Variants in PARD3B observed in about 807,000 individuals in gnomAD.
PARD3B encodes par-3 family cell polarity regulator beta, also known as partitioning defective 3 homolog B.
PARD3B carries 103 observed loss-of-function variants against 130.2 expected under a neutral mutation model. The ratio of observed to expected loss-of-function variants is 0.79; its 90% confidence interval spans 0.67 to 0.93. The LOEUF (loss-of-function observed/expected upper bound fraction) is 0.93. Ranked by LOEUF, PARD3B falls within the 40% of genes least tolerant of loss-of-function variation. PARD3B has a pLI of 0.00. For missense variants in PARD3B, 1,609 were observed against 1,499.2 expected, an observed-to-expected ratio of 1.07 and a Z score of -1.21; for synonymous variants, 583 against 553.2, an observed-to-expected ratio of 1.05 and a Z score of -0.76.
chr2:204,895,464 C>A (rs924187326), intron 2 of PARD3B, among the ~76,000 whole-genome samples: 4 of 151,952 alleles, frequency 2.6e-5, no homozygotes, highest in Non-Finnish European at 5.9e-5. Flanking sequence ...TTTCAGTTAT[C>A]AGGTATTTAA....
chr2:205,225,562 C>T (rs2038499292), intron 15 of PARD3B, among the ~76,000 whole-genome samples: 2 of 152,082 alleles, frequency 1.3e-5, no homozygotes, highest in African/African-American at 2.4e-5. Context: ...AAAGAACTAC[C>T]TGAGACTGGG....
At chr2:204,925,252 G>A (rs1329233417) in intron 2 of PARD3B, among the ~76,000 whole-genome samples, 1 of 152,072 alleles carries the variant, frequency 6.6e-6, no homozygotes, top group Non-Finnish European at 1.5e-5. Context: ...CAGCTAGATA[G>A]CTTGAGACTC....
chr2:204,644,450 G>T (rs2035202376), intron 1 of PARD3B, among the ~76,000 whole-genome samples: 1 of 152,154 alleles, frequency 6.6e-6, no homozygotes, highest in Middle Eastern at 3.4e-3. Context: ...TCTTTTTTAT[G>T]TACCAATATA....
At chr2:205,126,527 G>A (rs549486988) in intron 10 of PARD3B, among the ~76,000 whole-genome samples, 216 of 151,636 alleles carry the variant, frequency 1.4e-3, no homozygotes, top group Non-Finnish European at 2.7e-3. Context: ...GGATCATGAG[G>A]TCAGGAGATC....
chr2:205,134,860 T>A (rs934015252), intron 10 of PARD3B, among the ~76,000 whole-genome samples: 1 of 151,624 alleles, frequency 6.6e-6, no homozygotes, highest in Admixed American at 6.6e-5. Context: ...GGTGTCAGAA[T>A]GTAAATACTT....
intron 19 of PARD3B, among the ~76,000 whole-genome samples, chr2:205,412,854 C>A (rs1358286311): frequency 6.6e-6 from 1 of 152,174 alleles, no homozygotes; most frequent in Non-Finnish European, 1.5e-5. Context: ...GAAGAGAATT[C>A]TTCCATTACC....
rs901098032 is a variant in PARD3B at position 205,269,078 on chromosome 2, C to T, written c.2185+23256C>T. ...AGGTTTTGAGGCAAATAGTAGGGAA[C>T]AGAGTCTAGATTTGAACCTAGGTCA... is the stretch of plus-strand genomic sequence containing the variant. On this transcript the variant is annotated intron_variant, in intron 16 of 22. Coordinates refer to ENST00000406610, the MANE Select transcript of PARD3B (RefSeq NM_001302769.2). The surrounding 1 kb of genome is among the most constrained non-coding windows in gnomAD (Gnocchi z 4.7). Among the ~76,000 whole-genome samples the T allele has an allele frequency of 6.6e-6, 1 of 152,090 alleles. No individual in the cohort carries two copies. The highest frequency in any genetic ancestry group is 1.5e-5 in the Non-Finnish European group (1 of 67,976).
chr2:205,227,494 C>G (rs955645975), intron 15 of PARD3B, among the ~76,000 whole-genome samples: 1 of 152,042 alleles, frequency 6.6e-6, no homozygotes, highest in Non-Finnish European at 1.5e-5. Flanking sequence ...TGGAAATATA[C>G]CTACTCCTGC....
chr2:205,030,890 T>C (rs534852286), intron 3 of PARD3B, among the ~76,000 whole-genome samples: 2 of 152,154 alleles, frequency 1.3e-5, no homozygotes, highest in Non-Finnish European at 2.9e-5. Flanking sequence ...TGCTAAGATA[T>C]GTTGCTTTTA....
chr2:204,553,718 A>G (rs1389890102), intron 1 of PARD3B, among the ~76,000 whole-genome samples: 3 of 142,442 alleles, frequency 2.1e-5, no homozygotes, highest in Admixed American at 7.0e-5. Flanking sequence ...ATAAAGGAAT[A>G]CACCTCAGCC....
chr2:205,467,368 T>C (rs2048664294), intron 20 of PARD3B, among the ~76,000 whole-genome samples: 1 of 152,166 alleles, frequency 6.6e-6, no homozygotes, highest in Non-Finnish European at 1.5e-5. Flanking sequence ...ATTCAAAATC[T>C]AGAACAGAAG....
At chr2:205,228,920 A>G (rs1050328535) in intron 15 of PARD3B, among the ~76,000 whole-genome samples, 3 of 152,056 alleles carry the variant, frequency 2.0e-5, no homozygotes, top group Non-Finnish European at 2.9e-5. Context: ...TGTCAATTAC[A>G]TTTTTCAACT....
At chr2:205,205,491 G>A (rs570724896) in intron 15 of PARD3B, among the ~76,000 whole-genome samples, 1 of 152,216 alleles carries the variant, frequency 6.6e-6, no homozygotes, top group East Asian at 1.9e-4. Context: ...TGTTAAATAG[G>A]AGTGGTGAGA....
Position 205,351,688 on chromosome 2 carries a change from T to C in PARD3B, c.2631-49325T>C, listed in dbSNP as rs1401797924. Among the ~76,000 whole-genome samples the C allele has an allele frequency of 6.6e-6, 1 of 152,204 alleles. No homozygotes were observed. The highest frequency in any genetic ancestry group is 1.9e-4 in the East Asian group (1 of 5,196). The stretch of plus-strand genomic sequence containing the variant: ...TTATTTCATTTCCGGTGATGTTTTC[T>C]GATTCTCTATATGATTTTAACTCTA... On this transcript the variant is annotated intron_variant, in intron 18 of 22. Coordinates refer to ENST00000406610, the MANE Select transcript of PARD3B (RefSeq NM_001302769.2). The surrounding 1 kb of genome is among the most constrained non-coding windows in gnomAD (Gnocchi z 4.2).
chr2:205,587,290 G>C (rs2054231001), intron 22 of PARD3B, among the ~76,000 whole-genome samples: 1 of 152,190 alleles, frequency 6.6e-6, no homozygotes, highest in Non-Finnish European at 1.5e-5. Flanking sequence ...TTGCGGTGTA[G>C]ATTCGGTTTT....
intron 4 of PARD3B, among the ~76,000 whole-genome samples, chr2:205,100,719 G>A (rs1559436779): frequency 6.6e-6 from 1 of 152,066 alleles, no homozygotes; most frequent in South Asian, 2.1e-4. Flanking sequence ...CTTTAAGGGT[G>A]TCGAGACAAT....
chr2:205,194,853 G>C (rs1293140838), intron 15 of PARD3B, among the ~76,000 whole-genome samples: 1 of 151,694 alleles, frequency 6.6e-6, no homozygotes, highest in Non-Finnish European at 1.5e-5. Flanking sequence ...GTGCGATCTC[G>C]GCTCACTGCA....
At chr2:205,539,422 G>A (rs1488003215) in intron 21 of PARD3B, among the ~76,000 whole-genome samples, 1 of 152,168 alleles carries the variant, frequency 6.6e-6, no homozygotes, top group African/African-American at 2.4e-5. Context: ...AGGACAGGTA[G>A]TTTGAAAATC....
At chr2:205,343,605 T>C (rs1395810730) in intron 18 of PARD3B, among the ~76,000 whole-genome samples, 1 of 152,210 alleles carries the variant, frequency 6.6e-6, no homozygotes, top group Non-Finnish European at 1.5e-5. Context: ...ATAAGCACTT[T>C]CTCTGACCAT....
Sources: allele counts gnomAD v4.1 joint callset (sites outside exome capture counted in the v4.1 genomes callset), GRCh38; gene constraint gnomAD v4.1.1; non-coding constraint Gnocchi (gnomAD v3.1); transcripts MANE v1.5; gene names NCBI Gene and HGNC (gene_info 2026-07-23, HGNC 2026-07-21).